MTMR12: variants seen among roughly 807,000 people sequenced by gnomAD.
The protein encoded by MTMR12 is myotubularin related protein 12, also known as myotubularin-related protein 12.
MTMR12 carries 33 observed loss-of-function variants against 96.7 expected under a neutral mutation model. The ratio of observed to expected loss-of-function variants is 0.34; its 90% CI spans 0.26 to 0.46. The LOEUF (loss-of-function observed/expected upper bound fraction) is 0.46, where lower values mean the gene tolerates loss of function less well. Ranked by LOEUF, MTMR12 falls within the 20% of genes least tolerant of loss-of-function variation. The pLI is 1.00. For synonymous variants in MTMR12, 298 were observed against 327.2 expected, an observed-to-expected ratio of 0.91 and a Z score of 0.96; for missense variants, 721 against 896.1, an observed-to-expected ratio of 0.80 and a Z score of 2.49.
intron 8 of MTMR12, among the ~76,000 whole-genome samples, 168 bp from the exon 9 acceptor site, chr5:32,249,046 T>C (rs1748807277): frequency 6.6e-6 from 1 of 152,184 alleles, no homozygotes; most frequent in Non-Finnish European, 1.5e-5. Context: ...TGAAAAAGAA[T>C]GATTTAGTTT....
chr5:32,303,206 T>A (rs1751215503), intron 1 of MTMR12, among the ~76,000 whole-genome samples: 1 of 152,254 alleles, frequency 6.6e-6, no homozygotes, highest in Admixed American at 6.5e-5. Flanking sequence ...TGTTCATACA[T>A]GTCTATTATA....
chr5:32,278,583 A>G (rs1439429705), intron 1 of MTMR12, among the ~76,000 whole-genome samples: 1 of 152,154 alleles, frequency 6.6e-6, no homozygotes, highest in Admixed American at 6.6e-5. Flanking sequence ...AGTCCCTCTG[A>G]GGCAGTGTGG....
rs79086969 is a variant in MTMR12, at chr5:32,242,236, T to C, written c.1101-109A>G. 1,609 of 603,538 alleles carry C rather than the reference T, an allele frequency of 2.7e-3. 24 individuals are homozygous for C. The African/African-American group carries it at 0.029, about 11-fold the overall frequency. 37.4% of individuals were successfully genotyped at this position (603,538 alleles called of 1,614,324 possible). The stretch of plus-strand genomic sequence containing the variant: ...CTTGATCTTCAGTCTTCTCTCTTAT[T>C]TTTTTTTTTTCCACGCTAAAATCCT... On this transcript the variant is annotated intron_variant, in intron 11 of 15. Transcript: ENST00000382142.
chr5:32,251,139 T>G (rs1042808915), intron 8 of MTMR12, among the ~76,000 whole-genome samples: 1 of 146,212 alleles, frequency 6.8e-6, no homozygotes, highest in Admixed American at 7.0e-5. Flanking sequence ...CACTGCAAGC[T>G]CCGCCTCCCG....
chr5:32,263,143 C>T lies in MTMR12; in HGVS notation c.683G>A (p.Ser228Asn). Residue 228 changes from serine (S) to asparagine (N), a missense_variant, in exon 7 of 16, where the codon AGT (serine) becomes AAT (asparagine). Physicochemically the swap from Ser to Asn is conservative, Grantham distance 46. Transcript: ENST00000382142. ...TKGNMKYKAVSVNEGYKVCER... is the reference protein window; with the variant it reads ...TKGNMKYKAVNVNEGYKVCER... ...ACAGACTTTATAGCCTTCGTTGACA[C>T]TCACTGCTTTGTACTTCATGTTGCC... The T allele has an allele frequency of 6.2e-7, 1 of 1,614,216 alleles. No homozygotes were observed. Among genetic ancestry groups the T allele is most frequent in the Non-Finnish European group, 8.5e-7 (1 of 1,180,038 alleles).
chr5:32,229,679 C>A lies in MTMR12; in HGVS notation c.*99G>T. 2 of 1,230,986 alleles carry A rather than the reference C, an allele frequency of 1.6e-6. No homozygotes were observed. Among genetic ancestry groups the A allele is most frequent in the Non-Finnish European group, 1.1e-6 (1 of 923,900 alleles). The allele number at this position is 1,230,986 out of a possible 1,614,324, so 76.3% of individuals were successfully genotyped here. ...AGGTTTATTCTAACGGAGTGCCGGG[C>A]TAAGGACCCAGCCAGCATGAGCTGT... On this transcript the variant is annotated 3_prime_UTR_variant, in exon 16 of 16. Coordinates refer to ENST00000382142, the MANE Select transcript of MTMR12 (RefSeq NM_001040446.3).
chr5:32,275,996 T>TA (rs1221371442), intron 2 of MTMR12, among the ~76,000 whole-genome samples: 2 of 152,208 alleles, frequency 1.3e-5, no homozygotes, highest in Non-Finnish European at 2.9e-5. Flanking sequence ...GAACTTATTT[T>TA]AAAAAAGCTA....
At chr5:32,276,299 C>G (rs1030719064) in intron 2 of MTMR12, among the ~76,000 whole-genome samples, 4 of 152,246 alleles carry the variant, frequency 2.6e-5, no homozygotes, top group Non-Finnish European at 5.9e-5. Flanking sequence ...GTAAAGCCAC[C>G]CACCAATGGT....
intron 1 of MTMR12, among the ~76,000 whole-genome samples, chr5:32,282,843 A>G (rs1450005626): frequency 6.6e-6 from 1 of 152,264 alleles, no homozygotes; most frequent in African/African-American, 2.4e-5. Context: ...TATATTTCAC[A>G]ATCGCTTTTT....
rs769813808 is a variant in MTMR12 at position 32,260,250 on chromosome 5, C to CTA, written c.713+2861_713+2862dup. Among the ~76,000 whole-genome samples, 297 of 151,458 alleles carry CTA rather than the reference C, an allele frequency of 2.0e-3. 6 individuals carry two copies. Among genetic ancestry groups the CTA allele is most frequent in the Non-Finnish European group, 3.3e-3 (224 of 67,888 alleles). ...GAGAGTGCTTGTTGAGGGCTCTGTT[C>CTA]TATACCAAGAACAGCGGGAAGCCAC... On this transcript the variant is annotated intron_variant, in intron 7 of 15. Transcript: ENST00000382142.
At chr5:32,276,309 T>C (rs957782660) in intron 2 of MTMR12, among the ~76,000 whole-genome samples, 1 of 152,254 alleles carries the variant, frequency 6.6e-6, no homozygotes, top group East Asian at 1.9e-4. Context: ...CCACCAATGG[T>C]TGCCTTGGGA....
At chr5:32,310,048 C>G (rs1375687224) in intron 1 of MTMR12, among the ~76,000 whole-genome samples, 2 of 152,176 alleles carry the variant, frequency 1.3e-5, no homozygotes, top group African/African-American at 4.8e-5. Flanking sequence ...GGCACGGTGG[C>G]TTACGCCTAC....
chr5:32,274,660 T>C (rs7705548), intron 2 of MTMR12, among the ~76,000 whole-genome samples: 68,318 of 152,012 alleles, frequency 0.45, 16,463 homozygotes, highest in African/African-American at 0.62. Flanking sequence ...CCAGGAGGTG[T>C]TGCCGCCTTC....
At chr5:32,253,574 C>G (rs1220943829) in intron 8 of MTMR12, among the ~76,000 whole-genome samples, 1 of 152,062 alleles carries the variant, frequency 6.6e-6, no homozygotes, top group East Asian at 1.9e-4. Context: ...ACTTTTGGGA[C>G]GTATAAATAT....
Position 32,296,731 on chromosome 5 carries a change from T to C in MTMR12, c.81+16027A>G, listed in dbSNP as rs567300359. On this transcript the variant is annotated intron_variant, in intron 1 of 15. Transcript: ENST00000382142. ...TGGGAGGATCCCTTGAGCCCAGGAG[T>C]TGAAGGTTGCAGTGAGCTATGATCA... Among the ~76,000 whole-genome samples the C allele has an allele frequency of 1.5e-3, 222 of 149,676 alleles. 1 individual carries two copies. The highest frequency in any genetic ancestry group is 3.2e-3 in the South Asian group (15 of 4,692).
chr5:32,290,523 G>C (rs1027614691), intron 1 of MTMR12, among the ~76,000 whole-genome samples: 2 of 152,234 alleles, frequency 1.3e-5, no homozygotes, highest in Non-Finnish European at 2.9e-5. Flanking sequence ...AACCAAGAAA[G>C]AGGCACAATG....
chr5:32,278,696 G>A (rs1171933225), intron 1 of MTMR12, among the ~76,000 whole-genome samples: 1 of 152,112 alleles, frequency 6.6e-6, no homozygotes, highest in Admixed American at 6.6e-5. Context: ...TTTGTAAAAA[G>A]CTCCCCAGAT....
Position 32,235,149 on chromosome 5 carries a change from G to A in MTMR12, c.1345-20C>T, listed in dbSNP as rs920155570. On this transcript the variant is annotated intron_variant, in intron 13 of 15. Transcript: ENST00000382142. ...AGGAACCTGCATGAAAACAAGATAC[G>A]TTACTTGGTGGGCAGAGCCCAGAGC... 3.1e-6 allele frequency: 5 copies of A among 1,603,404 alleles called. No individual in the cohort carries two copies. The highest frequency in any genetic ancestry group is 2.7e-5 in the African/African-American group (2 of 74,370).
Position 32,229,915 on chromosome 5 carries a change from A to G in MTMR12, c.2107T>C (p.Ser703Pro), listed in dbSNP as rs1261074395. 1.2e-6 allele frequency: 2 copies of G among 1,612,892 alleles called. No homozygotes were observed. Among genetic ancestry groups the G allele is most frequent in the East Asian group, 4.5e-5 (2 of 44,858 alleles). Reference protein sequence around the residue: ...PCLLRNSARLSSLFPFALLQR... With the variant: ...PCLLRNSARLPSLFPFALLQR... ...AGCAGAGCGAAAGGAAACAAAGACG[A>G]GAGGCGGGCAGAGTTCCTCAGCAGG... The change falls in exon 16 of 16, where the codon TCG (serine) becomes CCG (proline). Residue 703 changes from serine (S) to proline (P), a missense_variant. Physicochemically the swap from Ser to Pro is moderately conservative, Grantham distance 74. Transcript: ENST00000382142.
Sources: allele counts gnomAD v4.1 joint callset (sites outside exome capture counted in the v4.1 genomes callset), GRCh38; gene constraint gnomAD v4.1.1; transcripts MANE v1.5; gene names NCBI Gene and HGNC (gene_info 2026-07-23, HGNC 2026-07-21).